The following QKI variants were observed in gnomAD, a reference collection of about 807,000 sequenced individuals.
QKI encodes the protein KH domain-containing RNA-binding protein QKI.
QKI carries 10 observed loss-of-function variants against 39.0 expected under a neutral mutation model. The observed-to-expected ratio is 0.26, with a 90% CI of 0.16 to 0.43. The LOEUF (loss-of-function observed/expected upper bound fraction) is 0.43. Ranked by LOEUF, QKI falls within the 20% of genes least tolerant of loss-of-function variation. The pLI, the probability that QKI is intolerant of heterozygous loss-of-function variation, is 1.00. For synonymous variants in QKI, 204 were observed against 155.4 expected (o/e 1.31, Z -2.33); for missense variants, 218 against 428.0 (o/e 0.51, Z 4.33).
intron 4 of QKI, among the ~76,000 whole-genome samples, chr6:163,550,064 C>T (rs1183470637): frequency 1.3e-5 from 2 of 152,150 alleles, no homozygotes; most frequent in African/African-American, 4.8e-5. Context: ...GTTTCAAACT[C>T]ACAGTGTCTT....
At chr6:163,531,251 C>T (rs571289441) in intron 3 of QKI, among the ~76,000 whole-genome samples, 5 of 152,164 alleles carry the variant, frequency 3.3e-5, no homozygotes, top group Admixed American at 6.5e-5. Flanking sequence ...CCTGGGTTCC[C>T]TTGCTCTGCA....
chr6:163,531,829 C>G lies in QKI; in HGVS notation c.403-3153C>G, dbSNP rs137992435. On this transcript the variant is annotated intron_variant, in intron 3 of 7. Coordinates refer to ENST00000361752, the MANE Select transcript of QKI (RefSeq NM_006775.3). ...CTGAGTTTGTACATTTTAAACTCTG[C>G]AGTGTTGTAGAAGAATTTTTGGTGG... Among the ~76,000 whole-genome samples the G allele has an allele frequency of 2.2e-3, 329 of 152,298 alleles. 1 individual carries two copies. Among genetic ancestry groups the G allele is most frequent in the Non-Finnish European group, 4.0e-3 (271 of 68,034 alleles).
At chr6:163,540,127 G>C (rs773210519) in intron 4 of QKI, among the ~76,000 whole-genome samples, 4 of 151,164 alleles carry the variant, frequency 2.6e-5, no homozygotes, top group Non-Finnish European at 4.4e-5. Flanking sequence ...TGGAAAGATA[G>C]AGTAAGTTCT....
At chr6:163,449,187 T>C (rs1790370104) in intron 1 of QKI, among the ~76,000 whole-genome samples, 1 of 152,210 alleles carries the variant, frequency 6.6e-6, no homozygotes. Flanking sequence ...CTGGAGCCTA[T>C]TTAAGCTTCA....
chr6:163,451,087 G>A (rs1643908161), intron 1 of QKI, among the ~76,000 whole-genome samples: 1 of 152,166 alleles, frequency 6.6e-6, no homozygotes, highest in Non-Finnish European at 1.5e-5. Context: ...TCTGCTGAAG[G>A]GATATGTGTA....
chr6:163,439,643 C>A (rs117993874), intron 1 of QKI, among the ~76,000 whole-genome samples: 1 of 147,574 alleles, frequency 6.8e-6, no homozygotes, highest in Admixed American at 6.8e-5. Context: ...CATGAGCCAC[C>A]GCGTCCTGAA....
intron 2 of QKI, chr6:163,457,361 T>C (rs1242800035): frequency 4.4e-6 from 2 of 455,908 alleles, no homozygotes; most frequent in African/African-American, 4.0e-5. Context: ...TTCACTATAT[T>C]CCTTTCCTTC....
intron 1 of QKI, among the ~76,000 whole-genome samples, chr6:163,432,997 T>G (rs1217684818): frequency 6.6e-6 from 1 of 152,142 alleles, no homozygotes; most frequent in Non-Finnish European, 1.5e-5. Flanking sequence ...AGAATGATAG[T>G]AATAAAGGCA....
chr6:163,488,990 T>TA, intron 3 of QKI, among the ~76,000 whole-genome samples: 1 of 149,504 alleles, frequency 6.7e-6, no homozygotes, highest in African/African-American at 2.5e-5. Flanking sequence ...TTTTTTTTTT[T>TA]AAACATAAAC....
At chr6:163,484,474 T>A (rs971185873) in intron 3 of QKI, among the ~76,000 whole-genome samples, 2 of 152,204 alleles carry the variant, frequency 1.3e-5, no homozygotes, top group Non-Finnish European at 2.9e-5. Flanking sequence ...GTGCTAGGAT[T>A]ACAGGTGTGA....
intron 4 of QKI, among the ~76,000 whole-genome samples, chr6:163,538,193 TAATA>T (rs1341140047): frequency 2.0e-5 from 3 of 152,156 alleles, no homozygotes; most frequent in African/African-American, 7.2e-5. Context: ...GATACACCAA[TAATA>T]AATAAAAGCT....
At chr6:163,523,532 T>C (rs923457358) in intron 3 of QKI, among the ~76,000 whole-genome samples, 3 of 152,222 alleles carry the variant, frequency 2.0e-5, no homozygotes, top group African/African-American at 7.2e-5. Context: ...AAATGCATAA[T>C]TACAGAAACC....
In QKI at chr6:163,574,934, G is replaced by A. The variant is rs1401226857; in HGVS notation, c.*4224G>A. On this transcript the variant is annotated 3_prime_UTR_variant, in exon 8 of 8. Transcript: ENST00000361752. ...CGCTGTTAACCAATCAGACTGTCCA[G>A]GTATTCTCATTTCATAAATATGTAT... 6.6e-6 allele frequency: 1 copy of A among 152,136 alleles called. No individual in the cohort carries two copies. The highest frequency in any genetic ancestry group is 1.5e-5 in the Non-Finnish European group (1 of 68,030). 9.4% of individuals were successfully genotyped at this position (152,136 alleles called of 1,614,324 possible). A position where few individuals can be genotyped will look rare whatever the true frequency, so the allele number is the denominator to read the frequency against.
chr6:163,474,633 C>A (rs902173414), intron 2 of QKI, among the ~76,000 whole-genome samples: 4 of 151,956 alleles, frequency 2.6e-5, no homozygotes, highest in Admixed American at 2.0e-4. Flanking sequence ...AAAAGCTCTA[C>A]ATTTTTGAGG....
In QKI at chr6:163,415,272, C is replaced by G. The variant is rs1191291480; in HGVS notation, c.79C>G (p.Leu27Val). ...GATGCAGCTGATGAACGACAAGAAG[C>G]TCATGAGCAGCCTGCCCAACTTCTG... ...YLMQLMNDKK[L>V]MSSLPNFCGI... Residue 27 changes from leucine (L) to valine (V), a missense_variant, in exon 1 of 8, where the codon CTC becomes GTC. Transcript: ENST00000361752. 3.1e-6 allele frequency: 5 copies of G among 1,596,426 alleles called. No homozygotes were observed. The highest frequency in any genetic ancestry group is 1.1e-5 in the South Asian group (1 of 90,192).
intron 3 of QKI, among the ~76,000 whole-genome samples, chr6:163,485,973 T>G (rs1777643890): frequency 1.3e-5 from 2 of 152,198 alleles, no homozygotes; most frequent in Admixed American, 1.3e-4. Flanking sequence ...TTAAGAAAGT[T>G]TATGAATTTG....
chr6:163,420,743 C>A (rs930318026), intron 1 of QKI, among the ~76,000 whole-genome samples: 2 of 152,072 alleles, frequency 1.3e-5, no homozygotes, highest in East Asian at 3.9e-4. Context: ...TAGATTATTT[C>A]GTGTTTTACA....
chr6:163,541,190 A>T (rs1480203498), intron 4 of QKI, among the ~76,000 whole-genome samples: 1 of 151,948 alleles, frequency 6.6e-6, no homozygotes, highest in African/African-American at 2.4e-5. Context: ...TTCAGTGCAA[A>T]AGTTTTTTCC....
intron 3 of QKI, among the ~76,000 whole-genome samples, chr6:163,519,316 A>G (rs373026354): frequency 1.1e-4 from 17 of 152,268 alleles, no homozygotes; most frequent in African/African-American, 3.9e-4. Context: ...ATAAGAACAC[A>G]TGAGTAGGAC....
Sources: gnomAD v4.1 joint callset for allele counts (sites outside exome capture counted in the v4.1 genomes callset) on GRCh38, gnomAD v4.1.1 for gene constraint, MANE v1.5 for transcripts, NCBI Gene and HGNC (gene_info 2026-07-23, HGNC 2026-07-21) for gene names.